Variants in WDR5 observed in about 807,000 individuals in gnomAD.
WDR5 encodes the protein WD repeat-containing protein 5.
For missense variants in WDR5, 187 were observed against 416.9 expected, an observed-to-expected ratio of 0.45 and a Z score of 4.80; for synonymous variants, 144 against 161.6, an observed-to-expected ratio of 0.89 and a Z score of 0.83.
chr9:134,149,720 G>C (rs989911792), intron 8 of WDR5, among the ~76,000 whole-genome samples: 8 of 152,220 alleles, frequency 5.3e-5, no homozygotes, highest in African/African-American at 1.7e-4. Flanking sequence ...GATGATATAA[G>C]ATGTCTTCTT....
chr9:134,147,702 C>T (rs1832275288), intron 7 of WDR5, among the ~76,000 whole-genome samples: 2 of 152,116 alleles, frequency 1.3e-5, no homozygotes. Flanking sequence ...AGATAGTTTC[C>T]AAAGGTGCTG....
upstream of WDR5, chr9:134,135,983 G>A (rs1344158512): frequency 2.0e-5 from 3 of 151,994 alleles, no homozygotes; most frequent in Non-Finnish European, 4.4e-5. Context: ...GAGGCATTCT[G>A]GCCGCTGTCG....
In WDR5 at chr9:134,154,470, C is replaced by T. The variant is rs770117251; in HGVS notation, c.636C>T (p.Asp212=). The T allele has an allele frequency of 1.2e-5, 19 of 1,614,042 alleles. No homozygotes were observed. The highest frequency in any genetic ancestry group is 4.5e-5 in the East Asian group (2 of 44,882). Residue 212 remains aspartate, a synonymous_variant, in exon 10 of 14, where the codon GAC becomes GAT. Coordinates refer to ENST00000358625, the MANE Select transcript of WDR5 (RefSeq NM_017588.3). ...ACCTGTCCGTTTTTATTGCAGATGA[C>T]GACAACCCCCCCGTGTCTTTTGTGA... ...SGQCLKTLID[D]DNPPVSFVKF...
At chr9:134,149,267 C>G (rs539505946) in intron 8 of WDR5, among the ~76,000 whole-genome samples, 1 of 152,316 alleles carries the variant, frequency 6.6e-6, no homozygotes, top group East Asian at 1.9e-4. Context: ...ACCGGCCTCC[C>G]ATGGGCTTCA....
chr9:134,139,748 C>T (rs1054415992), intron 1 of WDR5, 72 bp from the exon 2 acceptor site: 3 of 1,007,230 alleles, frequency 3.0e-6, no homozygotes, highest in South Asian at 1.6e-5. Flanking sequence ...TCTTTTCATC[C>T]TTTTTCTTGG....
chr9:134,153,946 C>G (rs575398543), intron 9 of WDR5, among the ~76,000 whole-genome samples: 12 of 152,336 alleles, frequency 7.9e-5, no homozygotes, highest in African/African-American at 2.9e-4. Flanking sequence ...GTGTGAGAAG[C>G]AGCGGCTCTG....
At chr9:134,154,378 C>A in intron 9 of WDR5, 88 bp from the exon 10 acceptor site, 1 of 1,366,184 alleles carries the variant, frequency 7.3e-7, no homozygotes, top group Non-Finnish European at 1.0e-6. Context: ...TCAGATGTCG[C>A]ACGTGGGGGA....
rs868246968 is a variant in WDR5, at chr9:134,137,694, A to C, written c.-59+1494A>C. Among the ~76,000 whole-genome samples, 1,241 of 150,942 alleles carry C rather than the reference A, an allele frequency of 8.2e-3. 12 individuals carry two copies. Among genetic ancestry groups the C allele is most frequent in the Non-Finnish European group, 0.014 (922 of 67,554 alleles). On this transcript the variant is annotated intron_variant, in intron 1 of 13. Coordinates refer to ENST00000358625, the MANE Select transcript of WDR5 (RefSeq NM_017588.3). Reference sequence around the variant, plus strand: ...AAAAAAAAACAAAAACAAAAAAAAAACACGCCAAGCCTAGACCCCACCGAC... The same window carrying C: ...AAAAAAAAACAAAAACAAAAAAAAACCACGCCAAGCCTAGACCCCACCGAC...
Position 134,140,710 on chromosome 9 carries a change from C to T in WDR5, c.89C>T (p.Pro30Leu), listed in dbSNP as rs186067595. The change falls in exon 3 of 14, where the codon CCT (proline) becomes CTT (leucine). Residue 30 changes from proline (P) to leucine (L), a missense_variant. Transcript: ENST00000358625. ...AACTGGTCTTTCCTGCAGCCTACAC[C>T]TGTGAAGCCAAACTATGCTCTAAAG... ...SSSATQSKPTPVKPNYALKFT... is the reference protein window; with the variant it reads ...SSSATQSKPTLVKPNYALKFT... 2 of 1,614,160 alleles carry T rather than the reference C, an allele frequency of 1.2e-6. No individual in the cohort carries two copies. The highest frequency in any genetic ancestry group is 1.3e-5 in the African/African-American group (1 of 75,046).
intron 13 of WDR5, among the ~76,000 whole-genome samples, chr9:134,156,963 C>T (rs1473688860): frequency 3.9e-5 from 6 of 152,214 alleles, no homozygotes; most frequent in Non-Finnish European, 5.9e-5. Context: ...GGCTCTGGCT[C>T]CTTTCGGGTA....
rs778304067 is a variant in WDR5, at chr9:134,140,815, C to T, written c.190+4C>T. On this transcript the variant is annotated splice_donor_region_variant and intron_variant, in intron 3 of 13. Transcript: ENST00000358625. ...GGAGAGTGGCTGGCAAGTTCATGTA[C>T]GTAGCACTGAGGCCCTTAGCTGCTG... 19 of 1,612,982 alleles carry T rather than the reference C, an allele frequency of 1.2e-5. No individual in the cohort carries two copies. Among genetic ancestry groups the T allele is most frequent in the South Asian group, 3.3e-5 (3 of 91,070 alleles).
At chr9:134,145,942 T>C (rs1185434518) in intron 7 of WDR5, among the ~76,000 whole-genome samples, 6 of 148,858 alleles carry the variant, frequency 4.0e-5, no homozygotes, top group Admixed American at 1.3e-4. Context: ...TCTTTCTTTT[T>C]TTTTTTTTTG....
chr9:134,143,911 A>G (rs919044058), intron 7 of WDR5, among the ~76,000 whole-genome samples: 5 of 152,084 alleles, frequency 3.3e-5, no homozygotes, highest in African/African-American at 4.8e-5. Context: ...CAAAGTGGCC[A>G]GAAAGTTCTT....
intron 7 of WDR5, among the ~76,000 whole-genome samples, chr9:134,146,610 C>T (rs1021953527): frequency 1.3e-5 from 2 of 152,188 alleles, no homozygotes; most frequent in South Asian, 4.1e-4. Context: ...CTGTATTGCC[C>T]CTTGCACCTG....
intron 7 of WDR5, among the ~76,000 whole-genome samples, chr9:134,144,837 TAAAA>T (rs200157032): frequency 0.018 from 2,808 of 152,088 alleles, 89 homozygotes; most frequent in African/African-American, 0.064. Context: ...CCCCATGTCT[TAAAA>T]AAACCACAAA....
intron 7 of WDR5, among the ~76,000 whole-genome samples, chr9:134,143,738 A>T (rs1411527421): frequency 6.6e-6 from 1 of 151,536 alleles, no homozygotes; most frequent in Non-Finnish European, 1.5e-5. Flanking sequence ...CGTGGTTTCG[A>T]TCTCCTGAGC....
chr9:134,145,749 C>T (rs1364520690), intron 7 of WDR5, among the ~76,000 whole-genome samples: 2 of 152,140 alleles, frequency 1.3e-5, no homozygotes, highest in African/African-American at 4.8e-5. Flanking sequence ...AGGGCCGCTG[C>T]CGACCCCCAT....
At chr9:134,143,827 T>TAA (rs202164502) in intron 7 of WDR5, among the ~76,000 whole-genome samples, 38 of 134,690 alleles carry the variant, frequency 2.8e-4, no homozygotes, top group Middle Eastern at 3.8e-3. Context: ...AACTCTGTCT[T>TAA]TAAAAAAAAA....
chr9:134,148,430 A>G, intron 8 of WDR5, 87 bp downstream of exon 8: 1 of 1,195,378 alleles, frequency 8.4e-7, no homozygotes. Context: ...GGGGTACAGC[A>G]GTGACAAAAG....
Sources: allele counts gnomAD v4.1 joint callset (sites outside exome capture counted in the v4.1 genomes callset), GRCh38; gene constraint gnomAD v4.1.1; transcripts MANE v1.5; gene names NCBI Gene and HGNC (gene_info 2026-07-23, HGNC 2026-07-21).